The following BPNT2 variants were observed in gnomAD, a reference collection of about 807,000 sequenced individuals.
BPNT2 encodes 3'(2'), 5'-bisphosphate nucleotidase 2.
Under a neutral mutation model 29.3 loss-of-function variants are expected in BPNT2, and 11 were observed. The observed-to-expected ratio is 0.38, with a 90% CI of 0.24 to 0.62. The LOEUF (loss-of-function observed/expected upper bound fraction) is 0.62. Among genes scored for constraint, BPNT2 ranks in the 20% least tolerant of loss-of-function variants. The probability of loss-of-function intolerance (pLI) is 0.62; values close to 1 mark genes in which losing one functional copy is unlikely to be tolerated. For missense variants in BPNT2, 459 were observed against 473.4 expected (o/e 0.97, Z 0.28); for synonymous variants, 195 against 187.7 (o/e 1.04, Z -0.32).
chr8:56,971,318 G>A (rs1228239455), intron 3 of BPNT2, among the ~76,000 whole-genome samples: 1 of 149,544 alleles, frequency 6.7e-6, no homozygotes. Context: ...TGGTTGGTTG[G>A]TACGTTCCTA....
chr8:56,969,467 A>G (rs557595127), intron 3 of BPNT2, among the ~76,000 whole-genome samples: 134 of 152,300 alleles, frequency 8.8e-4, no homozygotes, highest in African/African-American at 3.0e-3. Context: ...GAAACCAAAG[A>G]TGGGAATAAG....
At chr8:56,979,936 C>A (rs755898748) in intron 2 of BPNT2, 99 bp downstream of exon 2, 150 of 1,118,126 alleles carry the variant, frequency 1.3e-4, no homozygotes, top group Non-Finnish European at 1.9e-4. Context: ...CTTTACTGAA[C>A]AATCAGTGAG....
rs1233736152 is a variant in BPNT2 at position 56,962,764 on chromosome 8, A to C, written c.*1029T>G. 4 of 152,138 alleles carry C rather than the reference A, an allele frequency of 2.6e-5. No homozygotes were observed. The highest frequency in any genetic ancestry group is 9.7e-5 in the African/African-American group (4 of 41,408). The allele number at this position is 152,138 out of a possible 1,614,324, so 9.4% of individuals were successfully genotyped here. ...AAGCAACCATGGCAAAAGCAACCATACTCATTCTTGATAATGAAAGGATCT... is the reference window on the plus strand; with the variant it reads ...AAGCAACCATGGCAAAAGCAACCATCCTCATTCTTGATAATGAAAGGATCT... On this transcript the variant is annotated 3_prime_UTR_variant, in exon 5 of 5. Transcript: ENST00000262644.
In BPNT2 at chr8:56,959,969, G is replaced by A. The variant is rs1048398173; in HGVS notation, c.*3824C>T. The A allele has an allele frequency of 6.6e-6, 1 of 152,108 alleles. No homozygotes were observed. Among genetic ancestry groups the A allele is most frequent in the African/African-American group, 2.4e-5 (1 of 41,416 alleles). 9.4% of individuals were successfully genotyped at this position (152,108 alleles called of 1,614,324 possible). On this transcript the variant is annotated 3_prime_UTR_variant, in exon 5 of 5. Transcript: ENST00000262644. ...TAGATTAGGTTTATTTTATACAACA[G>A]TTACAAGACAGACCTTTTGTAGGCA... is the stretch of plus-strand genomic sequence containing the variant.
chr8:56,969,167 T>C (rs550433701), intron 3 of BPNT2, among the ~76,000 whole-genome samples: 25 of 152,318 alleles, frequency 1.6e-4, no homozygotes, highest in African/African-American at 6.0e-4. Flanking sequence ...CTCCAAAACT[T>C]TGAAAGAATA....
chr8:56,976,260 C>T (rs1806131190), intron 3 of BPNT2, among the ~76,000 whole-genome samples: 1 of 152,174 alleles, frequency 6.6e-6, no homozygotes, highest in Non-Finnish European at 1.5e-5. Context: ...GATAGAACTG[C>T]ATGCCTGGCA....
Position 56,958,556 on chromosome 8 carries a change from G to C in BPNT2, c.*5237C>G, listed in dbSNP as rs1336609589. The C allele has an allele frequency of 2.6e-5, 4 of 152,116 alleles. No homozygotes were observed. The highest frequency in any genetic ancestry group is 9.7e-5 in the African/African-American group (4 of 41,420). 9.4% of individuals were successfully genotyped at this position (152,116 alleles called of 1,614,324 possible). ...CATGAAAGGGAAAAGAGTATTCAAA[G>C]GTATTTTTATTTTATCTCATTGTTA... On this transcript the variant is annotated 3_prime_UTR_variant, in exon 5 of 5. Coordinates refer to ENST00000262644, the MANE Select transcript of BPNT2 (RefSeq NM_017813.5).
intron 1 of BPNT2, among the ~76,000 whole-genome samples, chr8:56,989,372 TA>T (rs56741190): frequency 0.25 from 33,342 of 131,216 alleles, 4,277 homozygotes; most frequent in East Asian, 0.46. Flanking sequence ...ACACCATCTT[TA>T]AAAAAAAAAA....
chr8:56,982,988 T>C (rs898964996), intron 1 of BPNT2, among the ~76,000 whole-genome samples: 1 of 152,192 alleles, frequency 6.6e-6, no homozygotes, highest in African/African-American at 2.4e-5. Flanking sequence ...ATACAAGAGA[T>C]CATATACTGT....
At position 56,964,241 on chromosome 8, in the gene BPNT2, T is replaced by C. The variant is rs1039447390; in HGVS notation, c.809-177A>G. ...AATTAAAAAAATTTTAAAGTAACTG[T>C]ATAAACATTAAACTCAGAACAAAAA... is the stretch of plus-strand genomic sequence containing the variant. On this transcript the variant is annotated intron_variant, in intron 4 of 4. Coordinates refer to ENST00000262644, the MANE Select transcript of BPNT2 (RefSeq NM_017813.5). 7 of 553,018 alleles carry C rather than the reference T, an allele frequency of 1.3e-5. No individual in the cohort carries two copies. The African/African-American group carries it at 1.3e-4, about 10-fold the overall frequency. The allele number at this position is 553,018 out of a possible 1,614,324, so 34.3% of individuals were successfully genotyped here. A position where few individuals can be genotyped will look rare whatever the true frequency, so the allele number is the denominator to read the frequency against.
intron 3 of BPNT2, among the ~76,000 whole-genome samples, chr8:56,968,400 A>AC (rs1805983181): frequency 1.3e-5 from 2 of 151,980 alleles, no homozygotes; most frequent in Admixed American, 1.3e-4. Context: ...AAAAAAAAAA[A>AC]AAACAAAAAA....
intron 4 of BPNT2, among the ~76,000 whole-genome samples, chr8:56,965,475 A>T (rs140639138): frequency 2.8e-4 from 42 of 152,360 alleles, no homozygotes; most frequent in Middle Eastern, 3.4e-3. Context: ...TACTCATAAC[A>T]GGAGTTGACA....
Position 56,993,456 on chromosome 8 carries a change from C to G in BPNT2, c.130G>C (p.Glu44Gln). The stretch of plus-strand genomic sequence containing the variant: ...GGCCCCGCCGCGCCGCCGCCAGGCT[C>G]GCCGCCCAGGCCGAAGAGGCTGAAG... ...GRFSLFGLGG[E>Q]PGGGAAGPAA... Residue 44 changes from glutamate (E) to glutamine (Q), a missense_variant, in exon 1 of 5, where the codon GAG becomes CAG. Coordinates refer to ENST00000262644, the MANE Select transcript of BPNT2 (RefSeq NM_017813.5). 4 of 1,477,608 alleles carry G rather than the reference C, an allele frequency of 2.7e-6. No homozygotes were observed. The highest frequency in any genetic ancestry group is 3.6e-6 in the Non-Finnish European group (4 of 1,117,248). 91.5% of individuals were successfully genotyped at this position (1,477,608 alleles called of 1,614,324 possible).
In BPNT2 at chr8:56,960,189, CT is replaced by C. The variant is rs1165636269; in HGVS notation, c.*3603del. The C allele has an allele frequency of 6.6e-6, 1 of 152,232 alleles. No individual in the cohort carries two copies. The highest frequency in any genetic ancestry group is 1.5e-5 in the Non-Finnish European group (1 of 68,044). The allele number at this position is 152,232 out of a possible 1,614,324, so 9.4% of individuals were successfully genotyped here. ...AGAGGAAAGCTGAATATTTTCCTTT[CT>C]GCATCGGCACTCCACCTTTCTTTAC... is the stretch of plus-strand genomic sequence containing the variant. On this transcript the variant is annotated 3_prime_UTR_variant, in exon 5 of 5. Coordinates refer to ENST00000262644, the MANE Select transcript of BPNT2 (RefSeq NM_017813.5).
intron 2 of BPNT2, among the ~76,000 whole-genome samples, chr8:56,979,319 A>G (rs2129205309): frequency 6.6e-6 from 1 of 152,346 alleles, no homozygotes; most frequent in Admixed American, 6.5e-5. Flanking sequence ...TGTGCTCACT[A>G]AATGTTATTA....
intron 3 of BPNT2, among the ~76,000 whole-genome samples, chr8:56,970,178 T>A (rs1317052104): frequency 6.6e-6 from 1 of 152,054 alleles, no homozygotes; most frequent in Non-Finnish European, 1.5e-5. Context: ...AGCAAAAAAA[T>A]AAAAATTTTG....
At chr8:56,992,815 G>C (rs1397097588) in intron 1 of BPNT2, among the ~76,000 whole-genome samples, 1 of 151,784 alleles carries the variant, frequency 6.6e-6, no homozygotes, top group African/African-American at 2.4e-5. Flanking sequence ...GTGTACTCCA[G>C]TTTCGACCCT....
chr8:56,984,006 G>GT (rs1806287940), intron 1 of BPNT2, among the ~76,000 whole-genome samples: 1 of 151,830 alleles, frequency 6.6e-6, no homozygotes. Flanking sequence ...GAAGATAACA[G>GT]TAACACCATG....
rs761415451 is a variant in BPNT2 at position 56,963,533 on chromosome 8, A to AAT, written c.*258_*259dup. On this transcript the variant is annotated 3_prime_UTR_variant, in exon 5 of 5. Coordinates refer to ENST00000262644, the MANE Select transcript of BPNT2 (RefSeq NM_017813.5). ...ACTCAGCTACAGATTTTAATTCACA[A>AAT]ATATATATATGCGCCTTGTGTATGA... is the stretch of plus-strand genomic sequence containing the variant. 41 of 439,368 alleles carry AAT rather than the reference A, an allele frequency of 9.3e-5. No individual in the cohort carries two copies. Among genetic ancestry groups the AAT allele is most frequent in the African/African-American group, 7.2e-4 (37 of 51,066 alleles). 27.2% of individuals were successfully genotyped at this position (439,368 alleles called of 1,614,324 possible). A position where few individuals can be genotyped will look rare whatever the true frequency, so the allele number is the denominator to read the frequency against.
Sources: gnomAD v4.1 joint callset for allele counts (sites outside exome capture counted in the v4.1 genomes callset) on GRCh38, gnomAD v4.1.1 for gene constraint, MANE v1.5 for transcripts, NCBI Gene and HGNC (gene_info 2026-07-23, HGNC 2026-07-21) for gene names.